CTNNA2: variants seen among roughly 807,000 people sequenced by gnomAD.
CTNNA2 encodes catenin alpha-2.
CTNNA2 carries 42 observed loss-of-function variants against 101.0 expected under a neutral mutation model. That is an observed-to-expected ratio of 0.42 (90% CI 0.32 to 0.54). The LOEUF is 0.54. Ranked by LOEUF, CTNNA2 falls within the 20% of genes least tolerant of loss-of-function variation. The probability of loss-of-function intolerance (pLI) is 0.14; values close to 1 mark genes in which losing one functional copy is unlikely to be tolerated. For missense variants in CTNNA2, 871 were observed against 1,223.1 expected (o/e 0.71, Z 4.29); for synonymous variants, 450 against 456.4 (o/e 0.99, Z 0.18).
intron 7 of CTNNA2, among the ~76,000 whole-genome samples, chr2:80,071,858 CAG>C (rs1344765359): frequency 6.6e-6 from 1 of 152,110 alleles, no homozygotes. Flanking sequence ...GCAGACATAA[CAG>C]AGGAATTCTC....
intron 15 of CTNNA2, among the ~76,000 whole-genome samples, chr2:80,603,066 A>G (rs1697695622): frequency 6.6e-6 from 1 of 152,042 alleles, no homozygotes; most frequent in Non-Finnish European, 1.5e-5. Context: ...TCCCTTCTGA[A>G]TAGTTTTTCT....
chr2:79,206,854 T>C (rs1674106345), intron 2 of CTNNA2, among the ~76,000 whole-genome samples: 1 of 152,130 alleles, frequency 6.6e-6, no homozygotes. Flanking sequence ...AGGATAAAGA[T>C]AGATCCCTGA....
chr2:80,296,163 A>T (rs138135215), intron 7 of CTNNA2, among the ~76,000 whole-genome samples: 114 of 152,318 alleles, frequency 7.5e-4, no homozygotes, highest in Admixed American at 2.6e-3. Context: ...ATGGAAAATG[A>T]GGTATCTATC....
chr2:79,735,843 G>A (rs1291556856), intron 2 of CTNNA2, among the ~76,000 whole-genome samples: 2 of 152,164 alleles, frequency 1.3e-5, no homozygotes, highest in Non-Finnish European at 2.9e-5. Flanking sequence ...AGATAACGGG[G>A]AGGAAATTTC....
chr2:80,095,428 C>T (rs1700082731), intron 7 of CTNNA2, among the ~76,000 whole-genome samples: 1 of 152,144 alleles, frequency 6.6e-6, no homozygotes, highest in Non-Finnish European at 1.5e-5. Context: ...AGGATTTTTG[C>T]GTCAATGTTC....
At chr2:79,446,648 T>C (rs1052895552) in intron 4 of CTNNA2, among the ~76,000 whole-genome samples, 12 of 152,024 alleles carry the variant, frequency 7.9e-5, no homozygotes, top group Non-Finnish European at 2.9e-5. Context: ...TTATGTAATA[T>C]AATGTGCAAT....
Position 80,521,279 on chromosome 2 carries a change from A to G in CTNNA2, c.1291-23703A>G, listed in dbSNP as rs537283513. On this transcript the variant is annotated intron_variant, in intron 9 of 18. Transcript: ENST00000402739. ...AACTGAGTGCCTCCTCGTACCTGCT[A>G]TACTCACCAAAGCCCCATACAGGGA... Among the ~76,000 whole-genome samples the G allele has an allele frequency of 3.3e-5, 5 of 152,300 alleles. No homozygotes were observed. The South Asian group carries it at 8.3e-4, about 25-fold the overall frequency.
At chr2:80,338,145 C>T (rs1295402649) in intron 7 of CTNNA2, among the ~76,000 whole-genome samples, 6 of 151,968 alleles carry the variant, frequency 3.9e-5, no homozygotes, top group African/African-American at 7.2e-5. Flanking sequence ...TGTGCCACCA[C>T]GCCCGGCTAA....
chr2:79,914,714 G>T (rs1464781744), intron 7 of CTNNA2, among the ~76,000 whole-genome samples: 3 of 151,980 alleles, frequency 2.0e-5, no homozygotes, highest in Non-Finnish European at 4.4e-5. Context: ...AAAATATGGT[G>T]AGACATTTTT....
At chr2:80,496,465 A>C (rs7590463) in intron 9 of CTNNA2, among the ~76,000 whole-genome samples, 11,604 of 150,336 alleles carry the variant, frequency 0.077, 1,223 homozygotes, top group African/African-American at 0.23. Flanking sequence ...CCACATAATG[A>C]GAGGAACGTG....
At chr2:79,328,621 A>G (rs1488058860) in intron 3 of CTNNA2, among the ~76,000 whole-genome samples, 4 of 152,200 alleles carry the variant, frequency 2.6e-5, no homozygotes, top group Non-Finnish European at 2.9e-5. Context: ...AACGAAAAAC[A>G]CTATTCAATG....
chr2:79,308,199 C>T (rs990203476), intron 2 of CTNNA2, among the ~76,000 whole-genome samples: 1 of 152,068 alleles, frequency 6.6e-6, no homozygotes, highest in Non-Finnish European at 1.5e-5. Flanking sequence ...TGCCCATCAC[C>T]ATGCCTGGCT....
At chr2:79,396,019 A>C (rs1369155954) in intron 4 of CTNNA2, among the ~76,000 whole-genome samples, 2 of 152,174 alleles carry the variant, frequency 1.3e-5, no homozygotes, top group Non-Finnish European at 2.9e-5. Flanking sequence ...ACACAGCATT[A>C]TGTGTTTCCT....
intron 2 of CTNNA2, among the ~76,000 whole-genome samples, chr2:79,221,701 T>G (rs772190924): frequency 2.0e-4 from 31 of 152,068 alleles, no homozygotes; most frequent in African/African-American, 5.3e-4. Flanking sequence ...ATTTATTAGA[T>G]CTATTAATAT....
intron 7 of CTNNA2, among the ~76,000 whole-genome samples, chr2:80,132,912 A>G (rs1222461584): frequency 6.6e-6 from 1 of 152,188 alleles, no homozygotes; most frequent in African/African-American, 2.4e-5. Context: ...ACTCATATGG[A>G]TATAAAAATG....
At chr2:80,116,109 C>G (rs1701501954) in intron 7 of CTNNA2, among the ~76,000 whole-genome samples, 2 of 151,836 alleles carry the variant, frequency 1.3e-5, no homozygotes, top group Admixed American at 1.3e-4. Flanking sequence ...TGGTTGTGGG[C>G]TACCTATAGT....
chr2:79,711,303 T>G (rs192003943), intron 2 of CTNNA2, among the ~76,000 whole-genome samples: 1 of 152,302 alleles, frequency 6.6e-6, no homozygotes, highest in East Asian at 1.9e-4. Flanking sequence ...TCAATGGTGT[T>G]GCCTCATCTC....
chr2:80,307,473 G>GA (rs1677139596), intron 7 of CTNNA2, among the ~76,000 whole-genome samples: 2 of 150,608 alleles, frequency 1.3e-5, no homozygotes. Flanking sequence ...ACTAAAAAAG[G>GA]AAAAAAAGAA....
intron 1 of CTNNA2, among the ~76,000 whole-genome samples, chr2:79,534,833 G>C (rs968307220): frequency 2.6e-5 from 4 of 151,066 alleles, no homozygotes; most frequent in African/African-American, 9.7e-5. Context: ...TCAAGTTCTG[G>C]ATAAATATTT....
Sources: allele counts gnomAD v4.1 joint callset (sites outside exome capture counted in the v4.1 genomes callset), GRCh38; gene constraint gnomAD v4.1.1; transcripts MANE v1.5; gene names NCBI Gene and HGNC (gene_info 2026-07-23, HGNC 2026-07-21).